CDH23: variants seen among roughly 807,000 people sequenced by gnomAD.
The protein encoded by CDH23 is cadherin-23.
A neutral mutation model predicts 317.1 loss-of-function variants in CDH23; 189 were observed. The observed-to-expected ratio is 0.60, with a 90% CI of 0.53 to 0.67. The LOEUF (loss-of-function observed/expected upper bound fraction) is 0.67, where lower values mean the gene tolerates loss of function less well. CDH23 is among the 30% of genes least tolerant of loss of function. The pLI, the probability that CDH23 is intolerant of heterozygous loss-of-function variation, is 0.00. For missense variants in CDH23, 4,401 were observed against 4,592.4 expected (o/e 0.96, Z 1.20); for synonymous variants, 1,839 against 1,876.8 (o/e 0.98, Z 0.52).
rs746084921 is a variant in CDH23 at position 71,510,972 on chromosome 10, G to A, written c.307G>A (p.Val103Met). Residue 103 changes from valine to methionine, a missense_variant, in exon 5 of 70, where the codon GTG (valine) becomes ATG (methionine). This residue lies in a region of CDH23 where 3,068 missense variants were observed against 3,203.3 expected (regional missense o/e 0.96). Coordinates refer to ENST00000224721, the MANE Select transcript of CDH23 (RefSeq NM_022124.6). ...CTTTCAGACCAAGTCAGAGTTCACC[G>A]TGGAGTTCTCTGTCAGCGACCACCA... ...LDRETKSEFT[V>M]EFSVSDHQGV... is the part of the protein sequence containing the mutation. The A allele has an allele frequency of 1.9e-5, 30 of 1,613,766 alleles. No individual in the cohort carries two copies. The highest frequency in any genetic ancestry group is 1.6e-4 in the Middle Eastern group (1 of 6,084).
chr10:71,760,038 CATATATACACACACACAT>C (rs1268813782), intron 38 of CDH23, among the ~76,000 whole-genome samples: 260 of 23,074 alleles, frequency 0.011, 81 homozygotes, highest in African/African-American at 0.021. Flanking sequence ...CACACACACA[CATATATACACACACACAT>C]ATATATACAC....
At chr10:71,545,097 G>A (rs916272052) in intron 6 of CDH23, among the ~76,000 whole-genome samples, 1 of 152,210 alleles carries the variant, frequency 6.6e-6, no homozygotes, top group African/African-American at 2.4e-5. Context: ...CAGCCATTAG[G>A]CCAGAAGCAC....
At chr10:71,486,254 A>T (rs1171033645) in intron 3 of CDH23, among the ~76,000 whole-genome samples, 1 of 152,088 alleles carries the variant, frequency 6.6e-6, no homozygotes, top group Non-Finnish European at 1.5e-5. Flanking sequence ...GGATGTTTTG[A>T]TGTGAATTAC....
intron 9 of CDH23, among the ~76,000 whole-genome samples, chr10:71,613,439 G>A (rs1049603222): frequency 6.6e-6 from 1 of 152,182 alleles, no homozygotes; most frequent in Non-Finnish European, 1.5e-5. Context: ...TAGAGATTCC[G>A]AAGGCATAGA....
intron 14 of CDH23, among the ~76,000 whole-genome samples, chr10:71,667,547 G>A (rs115390871): frequency 0.016 from 2,462 of 152,064 alleles, 69 homozygotes; most frequent in African/African-American, 0.057. Context: ...TGCAGAGAGA[G>A]GAAGAGAAAG....
rs1456005332 is a variant in CDH23, at chr10:71,785,655, C to T, written c.5737C>T (p.Pro1913Ser). 1 of 1,604,206 alleles carries T rather than the reference C, an allele frequency of 6.2e-7. No individual in the cohort carries two copies. The highest frequency in any genetic ancestry group is 1.1e-5 in the South Asian group (1 of 88,848). The change falls in exon 44 of 70, where the codon CCC (proline) becomes TCC (serine). Residue 1913 changes from proline (P) to serine (S), a missense_variant. Pro to Ser is a moderately conservative substitution (Grantham distance 74, BLOSUM62 -1). Around this residue, in one of 3 missense-constraint regions of CDH23, gnomAD observed 3,068 missense variants for 3,203.3 expected, o/e 0.96. Transcript: ENST00000224721. ...ATTGIVTVNR[P>S]LDRERIPEYK... Reference sequence around the variant, plus strand: ...GACAGGGATCGTCACTGTGAACCGGCCCCTGGACCGCGAGCGGATCCCAGA... The same window carrying T: ...GACAGGGATCGTCACTGTGAACCGGTCCCTGGACCGCGAGCGGATCCCAGA...
At chr10:71,773,535 G>C in intron 38 of CDH23, 9 of 1,239,708 alleles carry the variant, frequency 7.3e-6, no homozygotes, top group Non-Finnish European at 1.0e-5. Context: ...GCGAGCGAGT[G>C]AGCGCTGCGG....
At chr10:71,756,287 G>A (rs147957233) in intron 38 of CDH23, among the ~76,000 whole-genome samples, 39 of 152,248 alleles carry the variant, frequency 2.6e-4, no homozygotes, top group African/African-American at 7.2e-4. Flanking sequence ...TACAGCAGAC[G>A]CAGCATCATA....
At chr10:71,525,766 T>C (rs1855005384) in intron 6 of CDH23, among the ~76,000 whole-genome samples, 1 of 152,114 alleles carries the variant, frequency 6.6e-6, no homozygotes, top group East Asian at 1.9e-4. Context: ...GTGACCCTCC[T>C]GGGAAACCTG....
intron 6 of CDH23, among the ~76,000 whole-genome samples, chr10:71,549,673 G>A (rs899853611): frequency 6.6e-6 from 1 of 152,220 alleles, no homozygotes; most frequent in Non-Finnish European, 1.5e-5. Context: ...CAGAACAGAG[G>A]AGAGGCAGCC....
intron 9 of CDH23, among the ~76,000 whole-genome samples, chr10:71,591,421 G>A (rs1452911592): frequency 6.6e-6 from 1 of 152,088 alleles, no homozygotes; most frequent in African/African-American, 2.4e-5. Context: ...CTTCAACTGG[G>A]CTCGTGTCCC....
chr10:71,790,478 G>A (rs1047558973), intron 46 of CDH23, 65 bp downstream of exon 46: 1 of 1,577,574 alleles, frequency 6.3e-7, no homozygotes, highest in Non-Finnish European at 8.6e-7. Flanking sequence ...CACACTGCTG[G>A]ATTGAGGGCC....
intron 3 of CDH23, among the ~76,000 whole-genome samples, chr10:71,479,209 C>G (rs1851944130): frequency 6.6e-6 from 1 of 152,162 alleles, no homozygotes; most frequent in Non-Finnish European, 1.5e-5. Context: ...CTCCCAAACT[C>G]ATATCCAGAC....
chr10:71,797,697 C>T (rs938305221), intron 49 of CDH23, among the ~76,000 whole-genome samples: 4 of 152,162 alleles, frequency 2.6e-5, no homozygotes, highest in East Asian at 1.9e-4. Flanking sequence ...CAGGCACTTA[C>T]GGTGGAGAAC....
At chr10:71,701,899 C>T (rs1405819302) in intron 22 of CDH23, 123 bp from the exon 23 acceptor site, 1 of 1,039,662 alleles carries the variant, frequency 9.6e-7, no homozygotes, top group Admixed American at 2.1e-5. Context: ...ATGCCCACTT[C>T]CTGGGCCAGA....
intron 38 of CDH23, among the ~76,000 whole-genome samples, chr10:71,768,608 A>G (rs1717140036): frequency 6.6e-6 from 1 of 152,066 alleles, no homozygotes; most frequent in Admixed American, 6.6e-5. Flanking sequence ...CCCAACTAGG[A>G]CTACAGACAC....
chr10:71,784,468 C>G (rs754998786), intron 42 of CDH23, 48 bp downstream of exon 42: 1 of 1,587,598 alleles, frequency 6.3e-7, no homozygotes, highest in Non-Finnish European at 8.6e-7. Context: ...TGCCCCTGTA[C>G]TTGCCACAGA....
At chr10:71,677,108 A>G (rs1427307885) in intron 15 of CDH23, among the ~76,000 whole-genome samples, 3 of 152,006 alleles carry the variant, frequency 2.0e-5, no homozygotes, top group African/African-American at 7.3e-5. Flanking sequence ...GTGCAAAACG[A>G]TCTGGGTTGG....
At chr10:71,808,471 A>T (rs1004479037) in intron 60 of CDH23, among the ~76,000 whole-genome samples, 2 of 152,160 alleles carry the variant, frequency 1.3e-5, no homozygotes, top group Non-Finnish European at 2.9e-5. Flanking sequence ...AGTTGCGCAC[A>T]TCGCCTTCCC....
Sources: gnomAD v4.1 joint callset for allele counts (sites outside exome capture counted in the v4.1 genomes callset) on GRCh38, gnomAD v4.1.1 for gene constraint, gnomAD v4.1.1 regional missense constraint, MANE v1.5 for transcripts, NCBI Gene and HGNC (gene_info 2026-07-23, HGNC 2026-07-21) for gene names.